PCDH15: variants seen among roughly 807,000 people sequenced by gnomAD.
The protein encoded by PCDH15 is protocadherin-15.
A neutral mutation model predicts 178.5 loss-of-function variants in PCDH15; 129 were observed. That is an observed-to-expected ratio of 0.72 (90% CI 0.63 to 0.84). The LOEUF (loss-of-function observed/expected upper bound fraction) is 0.84. Among genes scored for constraint, PCDH15 ranks in the 40% least tolerant of loss-of-function variants. PCDH15 has a pLI of 0.00. For missense variants in PCDH15, 2,230 were observed against 2,099.9 expected (o/e 1.06, Z -1.21); for synonymous variants, 800 against 732.0 (o/e 1.09, Z -1.50).
At chr10:54,031,034 T>G (rs963507015) in intron 18 of PCDH15, among the ~76,000 whole-genome samples, 1 of 152,080 alleles carries the variant, frequency 6.6e-6, no homozygotes, top group African/African-American at 2.4e-5. Context: ...CTGCAGCTTT[T>G]AACGCTTCTG....
chr10:54,211,715 G>A (rs1421008978), intron 10 of PCDH15, among the ~76,000 whole-genome samples: 2 of 151,712 alleles, frequency 1.3e-5, no homozygotes, highest in African/African-American at 4.8e-5. Context: ...AACTTTTAGG[G>A]CCAATGAAAA....
intron 2 of PCDH15, among the ~76,000 whole-genome samples, chr10:55,126,909 A>C (rs1837914823): frequency 8.4e-5 from 1 of 11,854 alleles, no homozygotes; most frequent in South Asian, 7.0e-3. Context: ...GGATTTGCAA[A>C]AAAAAAAAAT....
At chr10:53,987,983 G>A (rs1473548399) in intron 21 of PCDH15, among the ~76,000 whole-genome samples, 1 of 152,098 alleles carries the variant, frequency 6.6e-6, no homozygotes, top group East Asian at 1.9e-4. Flanking sequence ...TTAGAGAATG[G>A]ATTTACTTTC....
chr10:55,492,109 G>A (rs1840431595), intron 2 of PCDH15, among the ~76,000 whole-genome samples: 1 of 151,648 alleles, frequency 6.6e-6, no homozygotes, highest in Admixed American at 6.6e-5. Context: ...TAAAATAAAA[G>A]CAGTAATTAT....
chr10:54,598,140 T>G (rs1348624163), intron 2 of PCDH15, among the ~76,000 whole-genome samples: 4 of 152,028 alleles, frequency 2.6e-5, no homozygotes, highest in Admixed American at 1.3e-4. Context: ...ATGAGGCCAG[T>G]ATCATCCTGA....
chr10:54,093,240 T>G (rs566245864), intron 15 of PCDH15, among the ~76,000 whole-genome samples: 127 of 152,176 alleles, frequency 8.3e-4, no homozygotes, highest in Non-Finnish European at 1.6e-3. Flanking sequence ...ATGCCCATAT[T>G]GGAAACTTTG....
chr10:55,144,391 C>A (rs1034872712), intron 2 of PCDH15, among the ~76,000 whole-genome samples: 3 of 152,048 alleles, frequency 2.0e-5, no homozygotes, highest in African/African-American at 7.2e-5. Context: ...AATTGGTGTA[C>A]ACTACTGGCT....
intron 1 of PCDH15, among the ~76,000 whole-genome samples, chr10:54,752,383 A>G (rs538180306): frequency 6.6e-6 from 1 of 151,444 alleles, no homozygotes; most frequent in African/African-American, 2.4e-5. Flanking sequence ...AGGCTGAGGC[A>G]GGAGAATGGC....
intron 15 of PCDH15, among the ~76,000 whole-genome samples, chr10:54,101,201 T>C (rs7897531): frequency 6.6e-6 from 1 of 151,290 alleles, no homozygotes; most frequent in Non-Finnish European, 1.5e-5. Flanking sequence ...TCTGCCGCCA[T>C]GTGAGACATG....
At chr10:54,342,746 A>T (rs755417650) in intron 6 of PCDH15, among the ~76,000 whole-genome samples, 1 of 152,202 alleles carries the variant, frequency 6.6e-6, no homozygotes, top group Non-Finnish European at 1.5e-5. Context: ...GCAGAGCCAC[A>T]GGGACATAGC....
chr10:54,795,516 C>T (rs1342277169), intron 1 of PCDH15, among the ~76,000 whole-genome samples: 1 of 151,876 alleles, frequency 6.6e-6, no homozygotes, highest in African/African-American at 2.4e-5. Context: ...ATCATTTCAG[C>T]TTTTCCATAC....
intron 1 of PCDH15, among the ~76,000 whole-genome samples, chr10:55,228,327 T>A (rs1221879427): frequency 6.6e-6 from 1 of 151,940 alleles, no homozygotes; most frequent in East Asian, 1.9e-4. Context: ...GAGAAATAAC[T>A]CTATAAAAAT....
intron 2 of PCDH15, among the ~76,000 whole-genome samples, chr10:55,136,336 G>A (rs1591931290): frequency 6.6e-6 from 1 of 151,948 alleles, no homozygotes; most frequent in Non-Finnish European, 1.5e-5. Flanking sequence ...CCAGTTTTGT[G>A]AGTAAATATA....
At chr10:55,235,390 TGTC>T (rs1242132286) in intron 1 of PCDH15, among the ~76,000 whole-genome samples, 1 of 152,164 alleles carries the variant, frequency 6.6e-6, no homozygotes, top group African/African-American at 2.4e-5. Context: ...TCTTCCAAGC[TGTC>T]TTTGTACTTT....
At chr10:54,791,058 G>A (rs1951360658) in intron 1 of PCDH15, among the ~76,000 whole-genome samples, 1 of 151,838 alleles carries the variant, frequency 6.6e-6, no homozygotes, top group Admixed American at 6.6e-5. Context: ...TCCTAACACA[G>A]CACCTGAACT....
chr10:54,807,194 T>G (rs910244117), intron 3 of PCDH15, among the ~76,000 whole-genome samples: 1 of 152,196 alleles, frequency 6.6e-6, no homozygotes, highest in Non-Finnish European at 1.5e-5. Context: ...GTAGAAATAG[T>G]AATTTAGTAA....
intron 2 of PCDH15, among the ~76,000 whole-genome samples, chr10:55,467,501 T>C (rs1026839716): frequency 1.3e-5 from 2 of 152,048 alleles, no homozygotes; most frequent in African/African-American, 4.8e-5. Flanking sequence ...ACAGGTTTAA[T>C]TATATATTTT....
intron 3 of PCDH15, among the ~76,000 whole-genome samples, chr10:54,400,773 A>G (rs902885453): frequency 5.3e-5 from 8 of 152,032 alleles, no homozygotes; most frequent in Admixed American, 3.3e-4. Flanking sequence ...TTTCTTCCAG[A>G]TATCTACCAG....
chr10:54,706,031 G>T (rs2095361959), intron 1 of PCDH15, among the ~76,000 whole-genome samples: 1 of 152,146 alleles, frequency 6.6e-6, no homozygotes, highest in Non-Finnish European at 1.5e-5. Context: ...TTAACAGTGA[G>T]CCAGATATTT....
Sources: gnomAD v4.1 joint callset for allele counts (sites outside exome capture counted in the v4.1 genomes callset) on GRCh38, gnomAD v4.1.1 for gene constraint, MANE v1.5 for transcripts, NCBI Gene and HGNC (gene_info 2026-07-23, HGNC 2026-07-21) for gene names.